Variants in PLBD1 observed in about 807,000 individuals in gnomAD.
The protein encoded by PLBD1 is phospholipase B domain containing 1, also known as lysosomal leucine aminopeptidase.
In PLBD1, 60 loss-of-function variants were observed where a neutral mutation model predicts 63.0. The observed-to-expected ratio is 0.95, with a 90% CI of 0.77 to 1.18. PLBD1 has a LOEUF of 1.18. Ranked by LOEUF, PLBD1 falls within the 50% of genes most tolerant of loss-of-function variation. PLBD1 has a pLI of 0.00. For missense variants in PLBD1, 598 were observed against 677.9 expected, an observed-to-expected ratio of 0.88 and a Z score of 1.31; for synonymous variants, 262 against 248.0, an observed-to-expected ratio of 1.06 and a Z score of -0.53.
At chr12:14,519,578 C>T (rs1224288778) in intron 6 of PLBD1, among the ~76,000 whole-genome samples, 2 of 150,156 alleles carry the variant, frequency 1.3e-5, no homozygotes, top group Non-Finnish European at 3.0e-5. Flanking sequence ...GAGATCGCAC[C>T]ACTGCACTCC....
chr12:14,553,104 G>T, intron 2 of PLBD1, 89 bp downstream of exon 2: 2 of 1,159,670 alleles, frequency 1.7e-6, no homozygotes, highest in Non-Finnish European at 2.5e-6. Context: ...CAGTTCTAAT[G>T]TGCAATGCCA....
intron 2 of PLBD1, among the ~76,000 whole-genome samples, chr12:14,550,734 C>T (rs1231842360): frequency 1.3e-5 from 2 of 151,988 alleles, no homozygotes; most frequent in African/African-American, 4.8e-5. Context: ...CAAAATTAGC[C>T]AGGCGTGGTG....
intron 1 of PLBD1, among the ~76,000 whole-genome samples, chr12:14,563,463 A>G (rs530633899): frequency 1.8e-4 from 27 of 152,320 alleles, no homozygotes; most frequent in African/African-American, 6.0e-4. Context: ...GGTTGCACGG[A>G]GCCAAGATCG....
At chr12:14,518,955 G>GT (rs941039157) in intron 6 of PLBD1, among the ~76,000 whole-genome samples, 8 of 151,968 alleles carry the variant, frequency 5.3e-5, no homozygotes, top group Admixed American at 4.6e-4. Flanking sequence ...AAAAATGCTC[G>GT]TATCAAGGGT....
chr12:14,505,129 T>A (rs151215240), intron 10 of PLBD1, among the ~76,000 whole-genome samples: 2 of 151,036 alleles, frequency 1.3e-5, no homozygotes, highest in Non-Finnish European at 2.9e-5. Flanking sequence ...TTTTTTAATG[T>A]TAACATTGAG....
intron 2 of PLBD1, among the ~76,000 whole-genome samples, 200 bp downstream of exon 2, chr12:14,552,992 CT>C (rs2136931051): frequency 6.6e-6 from 1 of 152,298 alleles, no homozygotes; most frequent in East Asian, 1.9e-4. Context: ...CGCCACTGCA[CT>C]CCAGCCTGGC....
chr12:14,520,034 G>A (rs1945363740), intron 6 of PLBD1, among the ~76,000 whole-genome samples: 1 of 152,158 alleles, frequency 6.6e-6, no homozygotes, highest in Non-Finnish European at 1.5e-5. Flanking sequence ...ACCACTAACT[G>A]TGCATGAATG....
chr12:14,558,985 G>C (rs1005937960), intron 1 of PLBD1, among the ~76,000 whole-genome samples: 7 of 152,196 alleles, frequency 4.6e-5, no homozygotes, highest in African/African-American at 1.7e-4. Flanking sequence ...CACTCCAACC[G>C]AGGTCCTCCA....
chr12:14,538,106 T>A (rs1477734555), intron 4 of PLBD1, among the ~76,000 whole-genome samples: 1 of 152,066 alleles, frequency 6.6e-6, no homozygotes, highest in Non-Finnish European at 1.5e-5. Flanking sequence ...ATTTTTTTTG[T>A]CTTAGTATCT....
chr12:14,530,739 T>C (rs1163951043), intron 6 of PLBD1, among the ~76,000 whole-genome samples: 1 of 152,250 alleles, frequency 6.6e-6, no homozygotes, highest in African/African-American at 2.4e-5. Flanking sequence ...TTGTATTGGC[T>C]GCCATTTCAG....
At chr12:14,546,505 C>G (rs574702638) in intron 2 of PLBD1, among the ~76,000 whole-genome samples, 1 of 152,128 alleles carries the variant, frequency 6.6e-6, no homozygotes, top group African/African-American at 2.4e-5. Flanking sequence ...CCAGATCCCC[C>G]ACATTTTTCA....
chr12:14,512,335 G>T (rs893944896), intron 6 of PLBD1, among the ~76,000 whole-genome samples: 1 of 151,896 alleles, frequency 6.6e-6, no homozygotes, highest in Non-Finnish European at 1.5e-5. Flanking sequence ...TTTTAGTAGA[G>T]ACCGGGTTTC....
intron 6 of PLBD1, among the ~76,000 whole-genome samples, chr12:14,513,625 A>C (rs1945315987): frequency 6.6e-6 from 1 of 152,168 alleles, no homozygotes; most frequent in Non-Finnish European, 1.5e-5. Context: ...TGAATTTGAC[A>C]GTTCTTATTT....
chr12:14,546,299 C>T (rs1316019522), intron 2 of PLBD1, among the ~76,000 whole-genome samples: 1 of 141,128 alleles, frequency 7.1e-6, no homozygotes, highest in Non-Finnish European at 1.5e-5. Flanking sequence ...GCCTGAGCAA[C>T]AGAGCAAGAT....
At chr12:14,554,544 G>T (rs1320862114) in intron 1 of PLBD1, among the ~76,000 whole-genome samples, 2 of 152,104 alleles carry the variant, frequency 1.3e-5, no homozygotes, top group Non-Finnish European at 1.5e-5. Flanking sequence ...TGACAGAGCT[G>T]TGAACATGAC....
chr12:14,556,267 G>T (rs972582327), intron 1 of PLBD1, among the ~76,000 whole-genome samples: 1 of 152,130 alleles, frequency 6.6e-6, no homozygotes, highest in Non-Finnish European at 1.5e-5. Context: ...CAGGAGTTTA[G>T]TTTTAGACAT....
At chr12:14,560,847 G>C (rs1945738518) in intron 1 of PLBD1, among the ~76,000 whole-genome samples, 1 of 152,056 alleles carries the variant, frequency 6.6e-6, no homozygotes, top group South Asian at 2.1e-4. Context: ...TGCATTCTGA[G>C]CTGGTTTCCA....
intron 8 of PLBD1, 135 bp from the exon 9 acceptor site, chr12:14,507,253 A>T: frequency 1.5e-6 from 1 of 686,230 alleles, no homozygotes; most frequent in Non-Finnish European, 2.4e-6. Context: ...AAAATAATGT[A>T]CAGAAAATAA....
intron 6 of PLBD1, among the ~76,000 whole-genome samples, chr12:14,523,701 C>T (rs966752104): frequency 6.6e-6 from 1 of 152,084 alleles, no homozygotes; most frequent in African/African-American, 2.4e-5. Context: ...TGATTTTTGA[C>T]AAAGACACTA....
Sources: allele counts gnomAD v4.1 joint callset (sites outside exome capture counted in the v4.1 genomes callset), GRCh38; gene constraint gnomAD v4.1.1; transcripts MANE v1.5; gene names NCBI Gene and HGNC (gene_info 2026-07-23, HGNC 2026-07-21).